FAM186A: variants seen among roughly 807,000 people sequenced by gnomAD.
The protein encoded by FAM186A is family with sequence similarity 186 member A.
Under a neutral mutation model 216.8 loss-of-function variants are expected in FAM186A, and 163 were observed. The observed-to-expected ratio is 0.75, with a 90% confidence interval of 0.66 to 0.86. FAM186A has a LOEUF of 0.86. Ranked by LOEUF, FAM186A falls within the 40% of genes least tolerant of loss-of-function variation. The pLI is 0.00. For synonymous variants in FAM186A, 805 were observed against 1,025.3 expected (o/e 0.79, Z 4.10); for missense variants, 2,184 against 2,746.2 (o/e 0.80, Z 4.58).
intron 1 of FAM186A, chr12:50,392,672 C>T (rs1293913689): frequency 6.6e-6 from 1 of 150,816 alleles, no homozygotes; most frequent in African/African-American, 2.4e-5. Context: ...TGTCTTGACT[C>T]ACTGCAACCT....
Position 50,350,920 on chromosome 12 carries a change from G to A in FAM186A, c.5912C>T (p.Pro1971Leu), listed in dbSNP as rs766310876. The change falls in exon 4 of 8, where the codon CCT becomes CTT. Residue 1971 changes from proline (P) to leucine (L), a missense_variant. By Grantham distance (98) the Pro-to-Leu change is moderately conservative. This residue lies in a region of FAM186A where 721 missense variants were observed against 816.4 expected (regional missense o/e 0.88). Coordinates refer to ENST00000327337, the MANE Select transcript of FAM186A (RefSeq NM_001145475.3). Reference protein sequence around the residue: ...SLKSKSVLIHPSAPDFKVAQV... With the variant: ...SLKSKSVLIHLSAPDFKVAQV... ...AGCTACCTTGAAATCTGGAGCACTAGGATGGATCAATACTGATTTAGATTT... is the reference window on the plus strand; with the variant it reads ...AGCTACCTTGAAATCTGGAGCACTAAGATGGATCAATACTGATTTAGATTT... The A allele has an allele frequency of 3.0e-5, 46 of 1,551,464 alleles. No homozygotes were observed. Among genetic ancestry groups the A allele is most frequent in the Non-Finnish European group, 5.2e-6 (6 of 1,146,956 alleles).
intron 1 of FAM186A, among the ~76,000 whole-genome samples, chr12:50,376,988 G>T (rs1232513864): frequency 6.6e-6 from 1 of 151,892 alleles, no homozygotes; most frequent in Non-Finnish European, 1.5e-5. Flanking sequence ...GGCTCAAATG[G>T]TCCTCCCACC....
chr12:50,369,862 C>T (rs1943125227), intron 1 of FAM186A, among the ~76,000 whole-genome samples: 1 of 151,868 alleles, frequency 6.6e-6, no homozygotes, highest in Non-Finnish European at 1.5e-5. Flanking sequence ...CGGTGGCTCA[C>T]GCCTGTAATC....
chr12:50,354,026 C>G lies in FAM186A; in HGVS notation c.2806G>C (p.Gly936Arg). The G allele has an allele frequency of 6.4e-7, 1 of 1,551,690 alleles. No individual in the cohort carries two copies. The highest frequency in any genetic ancestry group is 8.7e-7 in the Non-Finnish European group (1 of 1,146,994). Residue 936 changes from glycine (G) to arginine (R), a missense_variant, in exon 4 of 8, where the codon GGG becomes CGG. Gly to Arg is a moderately radical substitution (Grantham distance 125). Transcript: ENST00000327337. ...CCATTCTCCTTTTCCAAGAGCAACC[C>G]TTGTGTTTTCATTTTTTGGGTCCCT... Reference protein sequence around the residue: ...EEGTQKMKTQGLLLEKENGQM... With the variant: ...EEGTQKMKTQRLLLEKENGQM...
At chr12:50,388,131 C>T (rs982247269) in intron 1 of FAM186A, among the ~76,000 whole-genome samples, 1 of 152,154 alleles carries the variant, frequency 6.6e-6, no homozygotes. Context: ...CGGCTTTCCC[C>T]ACCCCTGAAG....
rs1942933998 is a variant in FAM186A, at chr12:50,353,494, G to C, written c.3338C>G (p.Pro1113Arg). The C allele has an allele frequency of 1.9e-6, 3 of 1,540,058 alleles. No homozygotes were observed. The highest frequency in any genetic ancestry group is 2.0e-5 in the Admixed American group (1 of 50,060). The change falls in exon 4 of 8, where the codon CCT becomes CGT. Residue 1113 changes from proline to arginine, a missense_variant. Transcript: ENST00000327337. ...QAQELGIPLT[P>R]QQAQALEILF... ...GATCTCCAGGGCCTGGGCCTGCTGA[G>C]GGGTGAGAGGGATCCCTAGTTCCTG... is the stretch of plus-strand genomic sequence containing the variant.
intron 4 of FAM186A, among the ~76,000 whole-genome samples, chr12:50,334,930 A>G (rs1237294364): frequency 1.3e-5 from 2 of 152,188 alleles, no homozygotes; most frequent in African/African-American, 4.8e-5. Context: ...CAAAATTTCC[A>G]GTGTTAAAAT....
chr12:50,333,029 A>AAAAT (rs940247015), intron 5 of FAM186A, among the ~76,000 whole-genome samples: 184 of 152,184 alleles, frequency 1.2e-3, no homozygotes, highest in African/African-American at 3.9e-3. Context: ...CCTCATCTCA[A>AAAAT]AAATAAATAA....
At chr12:50,394,083 T>A (rs1322868369) in intron 1 of FAM186A, among the ~76,000 whole-genome samples, 1 of 151,898 alleles carries the variant, frequency 6.6e-6, no homozygotes, top group Non-Finnish European at 1.5e-5. Context: ...CACACCCGGC[T>A]AATTTTTTGT....
At chr12:50,385,779 G>T (rs1592635019) in intron 1 of FAM186A, among the ~76,000 whole-genome samples, 1 of 151,894 alleles carries the variant, frequency 6.6e-6, no homozygotes, top group East Asian at 1.9e-4. Context: ...GCAGGCGCCT[G>T]TAGTCCCAGC....
In FAM186A at chr12:50,355,545, A is replaced by G. The variant is rs1290832855; in HGVS notation, c.1287T>C (p.Asp429=). The G allele has an allele frequency of 3.9e-6, 6 of 1,551,616 alleles. No homozygotes were observed. The highest frequency in any genetic ancestry group is 2.4e-5 in the East Asian group (1 of 40,912). The change falls in exon 4 of 8, where the codon GAT becomes GAC. Residue 429 remains aspartate, a synonymous_variant. Coordinates refer to ENST00000327337, the MANE Select transcript of FAM186A (RefSeq NM_001145475.3). The part of the protein sequence containing the change: ...ELRQQPVASE[D]ISEDSTKDNV... Reference sequence around the variant, plus strand: ...TATCTTTAGTGCTGTCTTCGGAAATATCTTCAGAAGCAACAGGTTGCTGTC... The same window carrying G: ...TATCTTTAGTGCTGTCTTCGGAAATGTCTTCAGAAGCAACAGGTTGCTGTC...
intron 4 of FAM186A, among the ~76,000 whole-genome samples, chr12:50,345,079 C>A (rs1406352534): frequency 2.0e-5 from 3 of 152,128 alleles, no homozygotes; most frequent in Admixed American, 6.6e-5. Context: ...TGATGAAATT[C>A]TGTCTTTACT....
intron 7 of FAM186A, 42 bp from the exon 8 acceptor site, chr12:50,327,446 T>C (rs1420259382): frequency 2.7e-6 from 4 of 1,497,638 alleles, no homozygotes; most frequent in Non-Finnish European, 3.6e-6. Context: ...ATAAATTGCT[T>C]TAAACACATT....
chr12:50,377,687 G>A (rs1450292906), intron 1 of FAM186A, among the ~76,000 whole-genome samples: 1 of 151,478 alleles, frequency 6.6e-6, no homozygotes, highest in East Asian at 1.9e-4. Flanking sequence ...ACAAAAATTA[G>A]CCGGGCGTGG....
intron 3 of FAM186A, 108 bp downstream of exon 3, chr12:50,360,648 G>T: frequency 1.0e-6 from 1 of 975,776 alleles, no homozygotes; most frequent in Non-Finnish European, 1.4e-6. Flanking sequence ...TCAGGCCACT[G>T]CACACCAGCC....
chr12:50,362,281 C>A (rs1427706533), intron 2 of FAM186A, among the ~76,000 whole-genome samples: 1 of 151,930 alleles, frequency 6.6e-6, no homozygotes, highest in Non-Finnish European at 1.5e-5. Flanking sequence ...CCAGTTTATT[C>A]ATTCTTTCAT....
At position 50,350,512 on chromosome 12, in the gene FAM186A, A is replaced by C; in HGVS notation, c.6320T>G (p.Val2107Gly). 6.4e-7 allele frequency: 1 copy of C among 1,551,650 alleles called. No individual in the cohort carries two copies. The stretch of plus-strand genomic sequence containing the variant: ...GTTCTTCTTCTGAGCCTCCACATCA[A>C]CAAAATACCTCTTTTCTTCAAGTTC... ...PQELEEKRYFVDVEAQKKNLI... is the reference protein window; with the variant it reads ...PQELEEKRYFGDVEAQKKNLI... The change falls in exon 4 of 8, where the codon GTT becomes GGT. Residue 2107 changes from valine (V) to glycine (G), a missense_variant. By Grantham distance (109) the Val-to-Gly change is moderately radical. Coordinates refer to ENST00000327337, the MANE Select transcript of FAM186A (RefSeq NM_001145475.3).
chr12:50,341,543 A>T (rs1942762310), intron 4 of FAM186A, among the ~76,000 whole-genome samples: 1 of 152,130 alleles, frequency 6.6e-6, no homozygotes, highest in South Asian at 2.1e-4. Context: ...GAATCCTAAA[A>T]ATTGAGAAAG....
At chr12:50,378,220 A>G (rs868508391) in intron 1 of FAM186A, among the ~76,000 whole-genome samples, 22 of 31,692 alleles carry the variant, frequency 6.9e-4, no homozygotes, top group Non-Finnish European at 1.1e-3. Context: ...GCGAAACTCC[A>G]TCTCAAAAAA....
Sources: gnomAD v4.1 joint callset for allele counts (sites outside exome capture counted in the v4.1 genomes callset) on GRCh38, gnomAD v4.1.1 for gene constraint, gnomAD v4.1.1 regional missense constraint, MANE v1.5 for transcripts, NCBI Gene and HGNC (gene_info 2026-07-23, HGNC 2026-07-21) for gene names.